Variants in FKBP5 observed in about 807,000 individuals in gnomAD.
The protein encoded by FKBP5 is FKBP prolyl isomerase 5, also known as peptidyl-prolyl cis-trans isomerase FKBP5.
In FKBP5, 23 loss-of-function variants were observed where a neutral mutation model predicts 50.5. The ratio of observed to expected loss-of-function variants is 0.46; its 90% CI spans 0.33 to 0.65. FKBP5 has a LOEUF of 0.65. Ranked by LOEUF, FKBP5 falls within the 30% of genes least tolerant of loss-of-function variation. The probability of loss-of-function intolerance (pLI) is 0.02; values close to 1 mark genes in which losing one functional copy is unlikely to be tolerated. For missense variants in FKBP5, 411 were observed against 553.1 expected (o/e 0.74, Z 2.58); for synonymous variants, 176 against 190.6 (o/e 0.92, Z 0.63).
At chr6:35,641,142 C>T (rs1199652821) in intron 2 of FKBP5, among the ~76,000 whole-genome samples, 1 of 152,046 alleles carries the variant, frequency 6.6e-6, no homozygotes, top group Non-Finnish European at 1.5e-5. Context: ...CTATGCCTGG[C>T]TAATTTTTTT....
chr6:35,672,828 G>A (rs1765426157), intron 1 of FKBP5, among the ~76,000 whole-genome samples: 2 of 152,034 alleles, frequency 1.3e-5, no homozygotes, highest in African/African-American at 4.8e-5. Flanking sequence ...TAGTCGGGGG[G>A]CTGAGGCAGG....
chr6:35,606,467 C>T (rs1201245592), intron 5 of FKBP5, among the ~76,000 whole-genome samples: 3 of 151,794 alleles, frequency 2.0e-5, no homozygotes, highest in African/African-American at 7.3e-5. Flanking sequence ...ACCATCCTGT[C>T]TAACACGGTG....
chr6:35,703,283 G>T (rs1766225034), intron 2 of FKBP5, among the ~76,000 whole-genome samples: 1 of 151,992 alleles, frequency 6.6e-6, no homozygotes, highest in Non-Finnish European at 1.5e-5. Flanking sequence ...GTGGTAGTGG[G>T]CACTTGTAAT....
At chr6:35,591,011 A>C in intron 7 of FKBP5, 119 bp downstream of exon 7, 1 of 599,622 alleles carries the variant, frequency 1.7e-6, no homozygotes. Flanking sequence ...GCAAGAGACA[A>C]ACTTGATAAT....
In FKBP5 at chr6:35,576,928, C is replaced by A. The variant is rs73417616; in HGVS notation, c.1266+66G>T. 1,392 of 1,574,718 alleles carry A rather than the reference C, an allele frequency of 8.8e-4. 7 individuals are homozygous for A. In the African/African-American group the frequency reaches 0.017, roughly 19 times the overall value. ...TCTTGGGTTGTTTAGCTGTTCCTGT[C>A]CCCTAAAATCAAAGGGGCATGGTCA... On this transcript the variant is annotated intron_variant, in intron 10 of 10. Transcript: ENST00000357266.
At chr6:35,718,770 C>T (rs1191958733) in intron 2 of FKBP5, among the ~76,000 whole-genome samples, 2 of 152,232 alleles carry the variant, frequency 1.3e-5, no homozygotes, top group Admixed American at 1.3e-4. Context: ...TCTTCCTTAG[C>T]ACTCTACTTT....
At chr6:35,597,520 C>A in intron 5 of FKBP5, 116 bp from the exon 6 acceptor site, 1 of 1,193,708 alleles carries the variant, frequency 8.4e-7, no homozygotes, top group South Asian at 1.6e-5. Context: ...TTTCTCATTT[C>A]ATCAAGAGAC....
At chr6:35,714,501 T>C (rs1766478351) in intron 2 of FKBP5, among the ~76,000 whole-genome samples, 1 of 148,376 alleles carries the variant, frequency 6.7e-6, no homozygotes, top group African/African-American at 2.5e-5. Context: ...GATTTTACTC[T>C]CAAAATGTAT....
chr6:35,692,182 A>G (rs1270861639), upstream of FKBP5, among the ~76,000 whole-genome samples: 1 of 152,050 alleles, frequency 6.6e-6, no homozygotes, highest in African/African-American at 2.4e-5. Context: ...GGCTCACTCT[A>G]TTACCCAGGC....
chr6:35,595,626 C>T (rs1207235223), intron 6 of FKBP5, among the ~76,000 whole-genome samples: 3 of 152,036 alleles, frequency 2.0e-5, no homozygotes, highest in Admixed American at 6.6e-5. Flanking sequence ...TGGCACACAC[C>T]TGTAGTCCCA....
chr6:35,614,904 C>T (rs1304393012), intron 5 of FKBP5, among the ~76,000 whole-genome samples: 1 of 151,972 alleles, frequency 6.6e-6, no homozygotes, highest in Non-Finnish European at 1.5e-5. Context: ...GCAGGCAGAT[C>T]ACGAGGTCAG....
At position 35,574,716 on chromosome 6, in the gene FKBP5, T is replaced by TAAAAATTAAGCTTAGTACTAAA. The variant is rs1269971619; in HGVS notation, c.*1097_*1118dup. 2.0e-5 allele frequency: 3 copies of TAAAAATTAAGCTTAGTACTAAA among 152,608 alleles called. No individual in the cohort carries two copies. The highest frequency in any genetic ancestry group is 7.2e-5 in the African/African-American group (3 of 41,446). The allele number at this position is 152,608 out of a possible 1,614,324, so 9.5% of individuals were successfully genotyped here. A position where few individuals can be genotyped will look rare whatever the true frequency, so the allele number is the denominator to read the frequency against. ...TTGTCAACCCTACAGATTTTGTTTT[T>TAAAAATTAAGCTTAGTACTAAA]AAAAATTAAGCTTAGTACTAAAAAG... is the stretch of plus-strand genomic sequence containing the variant. On this transcript the variant is annotated 3_prime_UTR_variant, in exon 11 of 11. Transcript: ENST00000357266.
chr6:35,598,382 C>T (rs935772356), intron 5 of FKBP5, among the ~76,000 whole-genome samples: 1 of 151,822 alleles, frequency 6.6e-6, no homozygotes, highest in African/African-American at 2.4e-5. Flanking sequence ...GCCACCACAC[C>T]CAGCTAATTT....
chr6:35,591,899 G>A (rs1159489637), intron 6 of FKBP5, among the ~76,000 whole-genome samples: 1 of 152,210 alleles, frequency 6.6e-6, no homozygotes, highest in Admixed American at 6.5e-5. Context: ...CTATCAGAGT[G>A]TAGGATTCTA....
chr6:35,688,521 G>C (rs1173365515), intron 1 of FKBP5, among the ~76,000 whole-genome samples: 4 of 151,362 alleles, frequency 2.6e-5, no homozygotes, highest in African/African-American at 9.7e-5. Context: ...GGCGGAGAGC[G>C]GCGCCCGCGG....
At chr6:35,636,378 G>T (rs1336284362) in intron 3 of FKBP5, among the ~76,000 whole-genome samples, 2 of 152,166 alleles carry the variant, frequency 1.3e-5, no homozygotes, top group Non-Finnish European at 2.9e-5. Flanking sequence ...GCCAAATACT[G>T]AATCAAGTCT....
chr6:35,594,544 A>G (rs1343637662), intron 6 of FKBP5, among the ~76,000 whole-genome samples: 1 of 152,198 alleles, frequency 6.6e-6, no homozygotes, highest in Non-Finnish European at 1.5e-5. Flanking sequence ...GAAGCTGAAT[A>G]AAACAAGTAA....
At chr6:35,605,949 T>C (rs914467165) in intron 5 of FKBP5, among the ~76,000 whole-genome samples, 1 of 152,200 alleles carries the variant, frequency 6.6e-6, no homozygotes, top group African/African-American at 2.4e-5. Flanking sequence ...ATGTAAGGCC[T>C]GAAACTATAT....
Position 35,623,791 on chromosome 6 carries a change from A to G in FKBP5, c.251-3517T>C, listed in dbSNP as rs945009805. ...TGTAGACAGTCTCACCATGTTGCCC[A>G]GGCTGGTCTTGAGCTCCTGGGCTCA... On this transcript the variant is annotated intron_variant, in intron 3 of 10. Coordinates refer to ENST00000357266, the MANE Select transcript of FKBP5 (RefSeq NM_004117.4). 4.0e-5 allele frequency among the ~76,000 whole-genome samples: 6 copies of G among 148,380 alleles called. No individual in the cohort carries two copies. The Admixed American group carries it at 4.1e-4, about 10-fold the overall frequency.
Sources: allele counts gnomAD v4.1 joint callset (sites outside exome capture counted in the v4.1 genomes callset), GRCh38; gene constraint gnomAD v4.1.1; transcripts MANE v1.5; gene names NCBI Gene and HGNC (gene_info 2026-07-23, HGNC 2026-07-21).